Variants in ASAH2 observed in about 807,000 individuals in gnomAD.
ASAH2 encodes neutral ceramidase.
Under a neutral mutation model 82.9 loss-of-function variants are expected in ASAH2, and 58 were observed. That is an observed-to-expected ratio of 0.70 (90% CI 0.57 to 0.87). The LOEUF (loss-of-function observed/expected upper bound fraction) is 0.87, where lower values mean the gene tolerates loss of function less well. ASAH2 is among the 40% of genes least tolerant of loss of function. The pLI is 0.00. For synonymous variants in ASAH2, 276 were observed against 289.7 expected, an observed-to-expected ratio of 0.95 and a Z score of 0.48; for missense variants, 779 against 834.0, an observed-to-expected ratio of 0.93 and a Z score of 0.81.
At chr10:50,250,399 C>T (rs1352169148) in intron 1 of ASAH2, among the ~76,000 whole-genome samples, 1 of 152,160 alleles carries the variant, frequency 6.6e-6, no homozygotes, top group Non-Finnish European at 1.5e-5. Context: ...CACTTATCAC[C>T]ACCATAATGC....
chr10:50,211,873 C>T (rs2133207335), intron 10 of ASAH2, among the ~76,000 whole-genome samples: 1 of 152,214 alleles, frequency 6.6e-6, no homozygotes, highest in East Asian at 1.9e-4. Flanking sequence ...TGCAGCCTGC[C>T]ACTCTTAATT....
intron 9 of ASAH2, among the ~76,000 whole-genome samples, chr10:50,214,010 T>A (rs1845531430): frequency 6.6e-6 from 1 of 152,152 alleles, no homozygotes; most frequent in Non-Finnish European, 1.5e-5. Flanking sequence ...ATGAACATTG[T>A]GGGAGTTAAA....
chr10:50,226,721 A>G (rs1025612445), intron 7 of ASAH2, among the ~76,000 whole-genome samples: 132 of 152,162 alleles, frequency 8.7e-4, no homozygotes, highest in Middle Eastern at 3.4e-3. Context: ...ATAGTTTATT[A>G]ATTAAATAAT....
At chr10:50,227,364 T>C (rs1437765942) in intron 7 of ASAH2, among the ~76,000 whole-genome samples, 1 of 74,060 alleles carries the variant, frequency 1.4e-5, no homozygotes, top group African/African-American at 4.0e-5. Flanking sequence ...GAGATAACAT[T>C]GTTAATATTT....
At chr10:50,214,522 A>G (rs902008045) in intron 9 of ASAH2, among the ~76,000 whole-genome samples, 6 of 152,180 alleles carry the variant, frequency 3.9e-5, no homozygotes, top group Non-Finnish European at 8.8e-5. Context: ...GAATTGTCTC[A>G]CCATTCAAAA....
At chr10:50,204,023 T>C (rs1421059017) in intron 14 of ASAH2, among the ~76,000 whole-genome samples, 1 of 151,868 alleles carries the variant, frequency 6.6e-6, no homozygotes, top group African/African-American at 2.4e-5. Flanking sequence ...TACATTACTG[T>C]ATAAGTGTAA....
intron 12 of ASAH2, among the ~76,000 whole-genome samples, chr10:50,208,361 C>T (rs1845360346): frequency 1.3e-5 from 2 of 152,034 alleles, no homozygotes; most frequent in East Asian, 1.9e-4. Context: ...AAAATTAAAA[C>T]TATTAATATT....
chr10:50,235,492 T>C (rs1846135283), intron 5 of ASAH2, among the ~76,000 whole-genome samples: 1 of 152,116 alleles, frequency 6.6e-6, no homozygotes, highest in Admixed American at 6.6e-5. Context: ...AGTTGGATTC[T>C]CTTTGTACTT....
chr10:50,250,526 G>A (rs1345942145), intron 1 of ASAH2, among the ~76,000 whole-genome samples: 1 of 152,178 alleles, frequency 6.6e-6, no homozygotes, highest in East Asian at 1.9e-4. Flanking sequence ...TCTAAGACAT[G>A]CCTCTGAACT....
intron 15 of ASAH2, among the ~76,000 whole-genome samples, 194 bp downstream of exon 15, chr10:50,203,446 T>A (rs1845213069): frequency 6.6e-6 from 1 of 152,116 alleles, no homozygotes; most frequent in Admixed American, 6.6e-5. Context: ...TAAATACCAA[T>A]AAAATATTTT....
chr10:50,202,197 G>C (rs1197339610), intron 16 of ASAH2, among the ~76,000 whole-genome samples: 1 of 152,006 alleles, frequency 6.6e-6, no homozygotes, highest in Non-Finnish European at 1.5e-5. Flanking sequence ...GTATGCCTCT[G>C]TATGCACTGC....
At chr10:50,212,427 A>C (rs1845480868) in intron 10 of ASAH2, among the ~76,000 whole-genome samples, 1 of 152,224 alleles carries the variant, frequency 6.6e-6, no homozygotes, top group South Asian at 2.1e-4. Flanking sequence ...TGATGAAGAG[A>C]GCTTCATCAA....
chr10:50,237,793 A>G (rs991531470), intron 4 of ASAH2, among the ~76,000 whole-genome samples: 1 of 152,210 alleles, frequency 6.6e-6, no homozygotes, highest in Non-Finnish European at 1.5e-5. Flanking sequence ...GTGAAAGATA[A>G]TTAAAAAATG....
intron 2 of ASAH2, among the ~76,000 whole-genome samples, chr10:50,248,122 T>C (rs1846520089): frequency 6.6e-6 from 1 of 152,198 alleles, no homozygotes; most frequent in Admixed American, 6.5e-5. Context: ...CATTCTCCTT[T>C]TGCCCCCAGG....
rs1261861219 is a variant in ASAH2 at position 50,209,549 on chromosome 10, A to C, written c.1414+1274T>G. 3.3e-5 allele frequency among the ~76,000 whole-genome samples: 5 copies of C among 152,230 alleles called. No individual in the cohort carries two copies. The East Asian group carries it at 9.7e-4, about 29-fold the overall frequency. On this transcript the variant is annotated intron_variant, in intron 12 of 20. Transcript: ENST00000682911. ...TTTTTAGTAGAGACAGGGTTTCACAATGTTGACCAGGGTGGTCTCAATTTC... is the reference window on the plus strand; with the variant it reads ...TTTTTAGTAGAGACAGGGTTTCACACTGTTGACCAGGGTGGTCTCAATTTC...
chr10:50,220,668 G>C (rs935464203), intron 7 of ASAH2, among the ~76,000 whole-genome samples: 8 of 152,032 alleles, frequency 5.3e-5, no homozygotes, highest in Admixed American at 2.0e-4. Flanking sequence ...TAACTAATGG[G>C]TACTAGGCTT....
At chr10:50,247,213 C>T (rs989956566) in intron 2 of ASAH2, among the ~76,000 whole-genome samples, 6 of 151,464 alleles carry the variant, frequency 4.0e-5, no homozygotes, top group East Asian at 1.9e-4. Flanking sequence ...AGTGCAGTGG[C>T]GTGATCTCAG....
At chr10:50,245,867 C>A (rs1196090251) in intron 2 of ASAH2, among the ~76,000 whole-genome samples, 1 of 152,150 alleles carries the variant, frequency 6.6e-6, no homozygotes, top group Non-Finnish European at 1.5e-5. Context: ...AACTCCACCA[C>A]CTGCTTCAGA....
rs1214405985 is a variant in ASAH2, at chr10:50,187,360, A to C, written c.2298T>G (p.Leu766=). 1.6e-5 allele frequency: 6 copies of C among 376,536 alleles called. No homozygotes were observed. The African/African-American group carries it at 3.3e-4, about 21-fold the overall frequency. 23.3% of individuals were successfully genotyped at this position (376,536 alleles called of 1,614,324 possible). A position where few individuals can be genotyped will look rare whatever the true frequency, so the allele number is the denominator to read the frequency against. Residue 766 remains leucine (L), a synonymous_variant, in exon 21 of 21, where the codon CTT becomes CTG. Transcript: ENST00000682911. ...KQDILKPAVI[L]SFEGTSPAFE... ...AAGCCGGGGAAGTGCCTTCAAATGA[A>C]AGTATGACAGCAGGCTTCAGAATGT...
Sources: gnomAD v4.1 joint callset for allele counts (sites outside exome capture counted in the v4.1 genomes callset) on GRCh38, gnomAD v4.1.1 for gene constraint, MANE v1.5 for transcripts, NCBI Gene and HGNC (gene_info 2026-07-23, HGNC 2026-07-21) for gene names.